Variants in CHCHD6 observed in about 807,000 individuals in gnomAD.
CHCHD6 encodes the protein coiled-coil-helix-coiled-coil-helix domain containing 6, also known as MICOS complex subunit MIC25.
A neutral mutation model predicts 32.3 loss-of-function variants in CHCHD6; 28 were observed. That is an observed-to-expected ratio of 0.87 (90% confidence interval 0.64 to 1.19). The LOEUF (loss-of-function observed/expected upper bound fraction) is 1.19, where lower values mean the gene tolerates loss of function less well. Among genes scored for constraint, CHCHD6 ranks in the 50% most tolerant of loss-of-function variants. The pLI is 0.00. For missense variants in CHCHD6, 333 were observed against 307.0 expected, an observed-to-expected ratio of 1.08 and a Z score of -0.63; for synonymous variants, 122 against 117.5, an observed-to-expected ratio of 1.04 and a Z score of -0.25.
chr3:126,733,331 C>T (rs1935898153), intron 4 of CHCHD6, 109 bp downstream of exon 4: 1 of 1,068,900 alleles, frequency 9.4e-7, no homozygotes, highest in African/African-American at 1.6e-5. Context: ...GCTCAGGCTG[C>T]CCCTGGGATG....
chr3:126,887,681 G>A (rs145686935), intron 5 of CHCHD6, among the ~76,000 whole-genome samples: 1 of 152,258 alleles, frequency 6.6e-6, no homozygotes, highest in African/African-American at 2.4e-5. Context: ...TCCAGATGCT[G>A]ACCAAAACAT....
intron 5 of CHCHD6, among the ~76,000 whole-genome samples, chr3:126,887,580 A>G (rs2077695803): frequency 6.6e-6 from 1 of 152,178 alleles, no homozygotes; most frequent in Non-Finnish European, 1.5e-5. Context: ...CGAGTAGCCC[A>G]GTGTCCCTGG....
chr3:126,795,943 C>T (rs951635671), intron 4 of CHCHD6, among the ~76,000 whole-genome samples: 3 of 152,166 alleles, frequency 2.0e-5, no homozygotes, highest in Admixed American at 1.3e-4. Context: ...AGAGCTCACT[C>T]AGGTGATAGC....
chr3:126,789,855 G>A (rs1477305389), intron 4 of CHCHD6, among the ~76,000 whole-genome samples: 2 of 151,732 alleles, frequency 1.3e-5, no homozygotes, highest in Non-Finnish European at 2.9e-5. Flanking sequence ...GTGTGAATTC[G>A]ATCCTGTCAT....
intron 5 of CHCHD6, among the ~76,000 whole-genome samples, chr3:126,903,920 G>A (rs1415354468): frequency 6.6e-6 from 1 of 152,156 alleles, no homozygotes; most frequent in Non-Finnish European, 1.5e-5. Context: ...TTGGCTCCAG[G>A]GGATCCCATC....
intron 6 of CHCHD6, chr3:126,949,405 C>A: frequency 4.4e-6 from 1 of 226,268 alleles, no homozygotes; most frequent in Non-Finnish European, 8.8e-6. Flanking sequence ...AAGGCTGCAC[C>A]AACAGGTCTG....
At chr3:126,910,274 A>G (rs867265308) in intron 5 of CHCHD6, among the ~76,000 whole-genome samples, 6 of 30,192 alleles carry the variant, frequency 2.0e-4, no homozygotes, top group South Asian at 2.5e-3. Flanking sequence ...CTGCCTCAGG[A>G]AAAAAAAAAA....
At chr3:126,709,210 T>A (rs1934641225) in intron 1 of CHCHD6, among the ~76,000 whole-genome samples, 1 of 152,268 alleles carries the variant, frequency 6.6e-6, no homozygotes, top group African/African-American at 2.4e-5. Flanking sequence ...GAGGACTGAC[T>A]GTAAACGTAA....
intron 6 of CHCHD6, chr3:126,957,215 C>G: frequency 3.2e-6 from 2 of 630,220 alleles, no homozygotes; most frequent in Admixed American, 2.7e-5. Flanking sequence ...AAGCCACCCA[C>G]CACAGGGCTT....
At chr3:126,760,411 A>G (rs1025527556) in intron 4 of CHCHD6, among the ~76,000 whole-genome samples, 24 of 152,218 alleles carry the variant, frequency 1.6e-4, no homozygotes, top group African/African-American at 5.5e-4. Context: ...TATAGTCACA[A>G]TGTTGTGCAA....
At chr3:126,896,635 C>A (rs2077844348) in intron 5 of CHCHD6, among the ~76,000 whole-genome samples, 1 of 152,214 alleles carries the variant, frequency 6.6e-6, no homozygotes, top group African/African-American at 2.4e-5. Flanking sequence ...TGGCCCAGCT[C>A]TTCTTCTCAT....
chr3:126,731,435 A>G (rs1462135703), intron 3 of CHCHD6, among the ~76,000 whole-genome samples: 1 of 152,198 alleles, frequency 6.6e-6, no homozygotes, highest in African/African-American at 2.4e-5. Flanking sequence ...AGTTATGTGA[A>G]CTTGAAATAT....
intron 4 of CHCHD6, among the ~76,000 whole-genome samples, chr3:126,784,369 GT>G (rs1208965361): frequency 6.6e-6 from 1 of 152,088 alleles, no homozygotes; most frequent in Non-Finnish European, 1.5e-5. Flanking sequence ...GCCTCTTCCT[GT>G]TTCCTTTGTC....
At chr3:126,775,718 C>A (rs1398323373) in intron 4 of CHCHD6, among the ~76,000 whole-genome samples, 1 of 152,232 alleles carries the variant, frequency 6.6e-6, no homozygotes, top group Non-Finnish European at 1.5e-5. Flanking sequence ...CATGGAGGGG[C>A]ACCTCATGGC....
At chr3:126,797,747 G>A (rs1223237182) in intron 4 of CHCHD6, among the ~76,000 whole-genome samples, 1 of 152,190 alleles carries the variant, frequency 6.6e-6, no homozygotes, top group Non-Finnish European at 1.5e-5. Flanking sequence ...TGGAGGAGAG[G>A]TTGATGCGAA....
chr3:126,828,829 TC>T, intron 4 of CHCHD6, among the ~76,000 whole-genome samples: 1 of 152,206 alleles, frequency 6.6e-6, no homozygotes, highest in Non-Finnish European at 1.5e-5. Flanking sequence ...CTCGGTAATG[TC>T]CCCCCTTTCA....
chr3:126,798,635 C>T (rs544391066), intron 4 of CHCHD6, among the ~76,000 whole-genome samples: 3 of 152,250 alleles, frequency 2.0e-5, no homozygotes, highest in East Asian at 3.9e-4. Flanking sequence ...CCGGAACCCT[C>T]CTGTCAGCCT....
intron 4 of CHCHD6, among the ~76,000 whole-genome samples, chr3:126,828,690 T>C (rs1258361851): frequency 6.6e-6 from 1 of 152,200 alleles, no homozygotes; most frequent in Non-Finnish European, 1.5e-5. Flanking sequence ...GAATGTATGT[T>C]GGCATTAGAA....
At chr3:126,769,908 G>A (rs1402546545) in intron 4 of CHCHD6, among the ~76,000 whole-genome samples, 1 of 152,158 alleles carries the variant, frequency 6.6e-6, no homozygotes, top group Non-Finnish European at 1.5e-5. Context: ...CATTGAATCT[G>A]TAAATTGCTT....
Sources: gnomAD v4.1 joint callset for allele counts (sites outside exome capture counted in the v4.1 genomes callset) on GRCh38, gnomAD v4.1.1 for gene constraint, MANE v1.5 for transcripts, NCBI Gene and HGNC (gene_info 2026-07-23, HGNC 2026-07-21) for gene names.